Variants in RAF1 observed in about 807,000 individuals in gnomAD.
The protein encoded by RAF1 is RAF proto-oncogene serine/threonine-protein kinase.
RAF1 carries 27 observed loss-of-function variants against 81.1 expected under a neutral mutation model. The observed-to-expected ratio is 0.33, with a 90% CI of 0.25 to 0.46. The LOEUF (loss-of-function observed/expected upper bound fraction) is 0.46, where lower values mean the gene tolerates loss of function less well. Ranked by LOEUF, RAF1 falls within the 20% of genes least tolerant of loss-of-function variation. RAF1 has a pLI of 1.00. For missense variants in RAF1, 598 were observed against 826.0 expected, an observed-to-expected ratio of 0.72 and a Z score of 3.38; for synonymous variants, 298 against 294.0, an observed-to-expected ratio of 1.01 and a Z score of -0.14.
At chr3:12,641,329 C>G (rs1036101374) in intron 1 of RAF1, among the ~76,000 whole-genome samples, 1 of 151,166 alleles carries the variant, frequency 6.6e-6, no homozygotes, top group Non-Finnish European at 1.5e-5. Flanking sequence ...ATGTAACAAA[C>G]CTGCACATTG....
chr3:12,618,714 T>G lies in RAF1; in HGVS notation c.8A>C (p.His3Pro). The change falls in exon 2 of 18, where the codon CAC becomes CCC. Residue 3 changes from histidine to proline, a missense_variant. Coordinates refer to ENST00000442415, the MANE Select transcript of RAF1 (RefSeq NM_001354689.3). ...GATCGTCTTCCAAGCTCCCTGTATG[T>G]GCTCCATTGATGCAGCTTAAACAAT... is the stretch of plus-strand genomic sequence containing the variant. The G allele has an allele frequency of 6.2e-7, 1 of 1,614,208 alleles. No individual in the cohort carries two copies. The highest frequency in any genetic ancestry group is 8.5e-7 in the Non-Finnish European group (1 of 1,180,024).
Position 12,617,427 on chromosome 3 carries a change from T to A in RAF1, c.207+1088A>T, listed in dbSNP as rs5746189. On this transcript the variant is annotated intron_variant, in intron 2 of 17. Transcript: ENST00000442415. ...ACTGCACCAGGCCTACTTTTTTGAA[T>A]TTTTTTTTGTAGAGATGGGGTTTGC... 1.4e-3 allele frequency among the ~76,000 whole-genome samples: 207 copies of A among 151,456 alleles called. 3 individuals carry two copies. In the South Asian group the frequency reaches 0.042, roughly 31 times the overall value.
At chr3:12,660,242 CTG>C (rs2060833155) in intron 1 of RAF1, among the ~76,000 whole-genome samples, 1 of 152,038 alleles carries the variant, frequency 6.6e-6, no homozygotes, top group Admixed American at 6.6e-5. Flanking sequence ...CTGCTTCTCA[CTG>C]TTTTTTTCAG....
At chr3:12,617,730 A>G (rs145497699) in intron 2 of RAF1, among the ~76,000 whole-genome samples, 169 of 152,106 alleles carry the variant, frequency 1.1e-3, no homozygotes, top group Non-Finnish European at 2.1e-3. Flanking sequence ...TACTAAAAAT[A>G]CAAAAAACAA....
chr3:12,585,300 A>G (rs1250435447), intron 15 of RAF1, 47 bp from the exon 15 acceptor site: 15 of 1,611,204 alleles, frequency 9.3e-6, no homozygotes, highest in Non-Finnish European at 1.0e-5. Context: ...ACCATATGAC[A>G]GGCCTCACAG....
At chr3:12,660,918 G>C (rs1316566188) in intron 1 of RAF1, among the ~76,000 whole-genome samples, 1 of 152,150 alleles carries the variant, frequency 6.6e-6, no homozygotes, top group Admixed American at 6.6e-5. Flanking sequence ...AGGTCGCAGT[G>C]AGCCAAGATC....
chr3:12,631,883 T>C (rs2059873014), intron 1 of RAF1, among the ~76,000 whole-genome samples: 1 of 152,170 alleles, frequency 6.6e-6, no homozygotes, highest in Non-Finnish European at 1.5e-5. Flanking sequence ...TGTTCAAAAT[T>C]GACCTTTTTC....
intron 1 of RAF1, among the ~76,000 whole-genome samples, chr3:12,647,429 C>T (rs1458758480): frequency 6.6e-6 from 1 of 151,814 alleles, no homozygotes; most frequent in African/African-American, 2.4e-5. Context: ...GGAGAAACCC[C>T]ATCTCTACAA....
intron 1 of RAF1, among the ~76,000 whole-genome samples, chr3:12,623,701 G>A (rs2059615147): frequency 6.6e-6 from 1 of 151,172 alleles, no homozygotes; most frequent in South Asian, 2.1e-4. Context: ...GGCTGAGGCA[G>A]GAGAATGGCA....
chr3:12,597,461 T>C (rs1415392194), intron 11 of RAF1, among the ~76,000 whole-genome samples: 1 of 152,206 alleles, frequency 6.6e-6, no homozygotes, highest in Non-Finnish European at 1.5e-5. Context: ...AAATGTGATA[T>C]AAAAATGTTC....
intron 3 of RAF1, among the ~76,000 whole-genome samples, chr3:12,610,266 A>AG (rs1316905421): frequency 1.3e-5 from 2 of 152,366 alleles, no homozygotes; most frequent in Admixed American, 1.3e-4. Context: ...CCAGAAGCCT[A>AG]GTCAAGCCAT....
intron 6 of RAF1, among the ~76,000 whole-genome samples, chr3:12,605,294 T>C (rs2058992157): frequency 9.7e-6 from 1 of 103,468 alleles, no homozygotes; most frequent in Non-Finnish European, 2.2e-5. Flanking sequence ...ATACATAATA[T>C]ATTTTTTTTT....
At chr3:12,587,837 C>A (rs910374860) in intron 13 of RAF1, 200 bp from the exon 13 acceptor site, 7 of 194,698 alleles carry the variant, frequency 3.6e-5, no homozygotes, top group East Asian at 7.1e-5. Context: ...ATGCTTACAC[C>A]TTTTTTTTTT....
intron 1 of RAF1, among the ~76,000 whole-genome samples, chr3:12,642,754 C>A (rs2125537640): frequency 6.7e-6 from 1 of 149,768 alleles, no homozygotes; most frequent in South Asian, 2.1e-4. Flanking sequence ...GGCCTGTAGT[C>A]CCAGCTATTG....
At chr3:12,650,142 T>C (rs1351405640) in intron 1 of RAF1, among the ~76,000 whole-genome samples, 11 of 79,380 alleles carry the variant, frequency 1.4e-4, no homozygotes, top group African/African-American at 2.3e-4. Context: ...CGAGACTCCA[T>C]CTCAAAAAAA....
intron 3 of RAF1, among the ~76,000 whole-genome samples, chr3:12,611,063 A>G (rs2059191937): frequency 6.6e-6 from 1 of 152,238 alleles, no homozygotes; most frequent in South Asian, 2.1e-4. Context: ...CATTCTTTAT[A>G]TAAAATAATG....
chr3:12,585,891 C>T (rs2058318624), intron 14 of RAF1, 92 bp from the exon 14 acceptor site: 2 of 892,908 alleles, frequency 2.2e-6, no homozygotes, highest in Non-Finnish European at 3.7e-6. Flanking sequence ...GTAATCTCTC[C>T]ACCTTACCTC....
At chr3:12,636,442 T>TAA (rs1204761754) in intron 1 of RAF1, among the ~76,000 whole-genome samples, 2 of 39,740 alleles carry the variant, frequency 5.0e-5, no homozygotes, top group African/African-American at 2.1e-4. Flanking sequence ...CTGTATATCT[T>TAA]TAAAAAAAAA....
At position 12,585,266 on chromosome 3, in the gene RAF1, C is replaced by A. The variant is rs369039413; in HGVS notation, c.1597-13G>T. On this transcript the variant is annotated splice_polypyrimidine_tract_variant and intron_variant, in intron 15 of 17. Transcript: ENST00000442415. ...TCACCTCTGGGGCCTACATGTATCA[C>A]CATATGACAAAAGTGCATTTATCAC... 4 of 1,613,936 alleles carry A rather than the reference C, an allele frequency of 2.5e-6. No homozygotes were observed. The Admixed American group carries it at 6.7e-5, about 27-fold the overall frequency.
Sources: gnomAD v4.1 joint callset for allele counts (sites outside exome capture counted in the v4.1 genomes callset) on GRCh38, gnomAD v4.1.1 for gene constraint, MANE v1.5 for transcripts, NCBI Gene and HGNC (gene_info 2026-07-23, HGNC 2026-07-21) for gene names.